The following MICAL3 variants were observed in gnomAD, a reference collection of about 807,000 sequenced individuals.
MICAL3 encodes the protein [F-actin]-monooxygenase MICAL3.
MICAL3 carries 62 observed loss-of-function variants against 207.4 expected under a neutral mutation model. The observed-to-expected ratio is 0.30, with a 90% CI of 0.24 to 0.37. The LOEUF (loss-of-function observed/expected upper bound fraction) is 0.37, where lower values mean the gene tolerates loss of function less well. MICAL3 is among the 10% of genes least tolerant of loss of function. The pLI is 1.00. For missense variants in MICAL3, 2,368 were observed against 2,635.6 expected, an observed-to-expected ratio of 0.90 and a Z score of 2.22; for synonymous variants, 1,077 against 1,069.3, an observed-to-expected ratio of 1.01 and a Z score of -0.14.
In MICAL3 at chr22:17,904,794, C is replaced by T. The variant is rs1009571101; in HGVS notation, c.310G>A (p.Asp104Asn). Reference sequence around the variant, plus strand: ...ACCTTGGCCCCCAGTAAGGATAAGTCGATGGCTGTACGGAGACCACAGGGG... The same window carrying T: ...ACCTTGGCCCCCAGTAAGGATAAGTTGATGGCTGTACGGAGACCACAGGGG... Reference protein sequence around the residue: ...AGPCGLRTAIDLSLLGAKVVV... With the variant: ...AGPCGLRTAINLSLLGAKVVV... The change falls in exon 3 of 32, where the codon GAC becomes AAC. Residue 104 changes from aspartate to asparagine, a missense_variant. Coordinates refer to ENST00000441493, the MANE Select transcript of MICAL3 (RefSeq NM_015241.3). 1.2e-6 allele frequency: 2 copies of T among 1,613,872 alleles called. No homozygotes were observed. The highest frequency in any genetic ancestry group is 1.7e-5 in the Admixed American group (1 of 60,002).
chr22:17,916,141 G>A (rs556385420), intron 1 of MICAL3, among the ~76,000 whole-genome samples: 1 of 151,522 alleles, frequency 6.6e-6, no homozygotes, highest in South Asian at 2.1e-4. Context: ...TTCTGCCATG[G>A]TTCTCAGTTT....
intron 1 of MICAL3, among the ~76,000 whole-genome samples, chr22:17,910,440 CT>C (rs1932051104): frequency 1.3e-5 from 2 of 152,208 alleles, no homozygotes; most frequent in Admixed American, 6.5e-5. Context: ...AGTGAAAACA[CT>C]TTTAAATTAA....
At chr22:17,801,221 C>T (rs1278908517) in intron 29 of MICAL3, among the ~76,000 whole-genome samples, 5 of 102,042 alleles carry the variant, frequency 4.9e-5, no homozygotes, top group Admixed American at 9.2e-5. Flanking sequence ...GGCGGGATCT[C>T]GGCTCACTGC....
At chr22:17,849,614 C>G (rs968132244) in intron 19 of MICAL3, among the ~76,000 whole-genome samples, 1 of 141,946 alleles carries the variant, frequency 7.0e-6, no homozygotes, top group Non-Finnish European at 1.5e-5. Context: ...GGATTATAGG[C>G]ATCAGCCACT....
chr22:17,957,820 A>T, intron 1 of MICAL3, among the ~76,000 whole-genome samples: 1 of 152,068 alleles, frequency 6.6e-6, no homozygotes, highest in East Asian at 1.9e-4. Flanking sequence ...TCTGAAGAAG[A>T]TGAAATGGTA....
At chr22:17,800,893 T>G (rs925012017) in intron 29 of MICAL3, among the ~76,000 whole-genome samples, 3 of 152,212 alleles carry the variant, frequency 2.0e-5, no homozygotes, top group African/African-American at 7.2e-5. Flanking sequence ...AGAAACCTAA[T>G]TCTGGCATTG....
chr22:17,954,500 T>C (rs1217261520), intron 1 of MICAL3, among the ~76,000 whole-genome samples: 1 of 152,116 alleles, frequency 6.6e-6, no homozygotes, highest in African/African-American at 2.4e-5. Context: ...GGATCAGATA[T>C]AGAAAATGAG....
intron 1 of MICAL3, among the ~76,000 whole-genome samples, chr22:18,023,784 G>A (rs1446650899): frequency 6.6e-6 from 1 of 152,236 alleles, no homozygotes; most frequent in South Asian, 2.1e-4. Flanking sequence ...CCCCTCTGCC[G>A]CAGGGAAACC....
rs201390064 is a variant in MICAL3 at position 17,827,719 on chromosome 22, C to T, written c.3118G>A (p.Val1040Met). ...CTCTCACGGATATGAGTCCAGTGCA[C>T]GTCAGCCTGGATCTCCAGAGGATCC... ...AADPLEIQAD[V>M]HWTHIREREE... is the part of the protein sequence containing the mutation. Residue 1040 changes from valine to methionine, a missense_variant, in exon 22 of 32, where the codon GTG becomes ATG. Val to Met is a conservative substitution (Grantham distance 21). This residue lies in a region of MICAL3 where 1,770 missense variants were observed against 1,863.2 expected (regional missense o/e 0.95). Transcript: ENST00000441493. The T allele has an allele frequency of 1.9e-6, 3 of 1,575,828 alleles. No individual in the cohort carries two copies. The highest frequency in any genetic ancestry group is 4.7e-5 in the East Asian group (2 of 42,566).
At chr22:17,982,629 C>A (rs1195072934) in intron 1 of MICAL3, among the ~76,000 whole-genome samples, 1 of 151,554 alleles carries the variant, frequency 6.6e-6, no homozygotes, top group African/African-American at 2.4e-5. Context: ...CAAGATTGTA[C>A]CACTGTACTC....
chr22:17,936,009 A>G (rs1431499739), intron 1 of MICAL3, among the ~76,000 whole-genome samples: 2 of 152,246 alleles, frequency 1.3e-5, no homozygotes, highest in Non-Finnish European at 2.9e-5. Context: ...ATTGTGGAAG[A>G]CAGTGTGGCA....
chr22:17,911,304 G>A (rs1932125323), intron 1 of MICAL3, among the ~76,000 whole-genome samples: 2 of 151,694 alleles, frequency 1.3e-5, no homozygotes, highest in African/African-American at 4.8e-5. Flanking sequence ...TGTTTGTGGG[G>A]GAGTAGAAAG....
At chr22:18,000,599 G>A (rs1448084518) in intron 1 of MICAL3, among the ~76,000 whole-genome samples, 1 of 152,222 alleles carries the variant, frequency 6.6e-6, no homozygotes, top group Non-Finnish European at 1.5e-5. Flanking sequence ...AGGCAAGCCC[G>A]GTTCCGTGTA....
rs1438857367 is a variant in MICAL3, at chr22:17,842,061, G to C, written c.2606-44C>G. ...AGCACTGCACTGAGGTCCAACCACA[G>C]ACGGGGCGTGGGGGTGGGGGCTGAC... On this transcript the variant is annotated intron_variant, in intron 19 of 31. Transcript: ENST00000441493. 3.2e-6 allele frequency: 5 copies of C among 1,556,842 alleles called. No individual in the cohort carries two copies. The Admixed American group carries it at 6.9e-5, about 21-fold the overall frequency.
Position 17,906,666 on chromosome 22 carries a change from G to C in MICAL3, c.147C>G (p.Phe49Leu), listed in dbSNP as rs1427044040. ...TAAGCTTGGACTTGAGCTTGTGATAGAAGGAGCGGTAGTCCTTTGGCTTTA... is the reference window on the plus strand; with the variant it reads ...TAAGCTTGGACTTGAGCTTGTGATACAAGGAGCGGTAGTCCTTTGGCTTTA... ...LELKPKDYRS[F>L]YHKLKSKLNY... Residue 49 changes from phenylalanine to leucine, a missense_variant, in exon 2 of 32, where the codon TTC (phenylalanine) becomes TTG (leucine). By Grantham distance (22) the Phe-to-Leu change is conservative. Coordinates refer to ENST00000441493, the MANE Select transcript of MICAL3 (RefSeq NM_015241.3). 5.6e-6 allele frequency: 9 copies of C among 1,613,884 alleles called. No individual in the cohort carries two copies. The South Asian group carries it at 6.6e-5, about 12-fold the overall frequency.
At chr22:17,847,801 A>G (rs751554521) in intron 19 of MICAL3, among the ~76,000 whole-genome samples, 7 of 152,220 alleles carry the variant, frequency 4.6e-5, no homozygotes, top group Non-Finnish European at 8.8e-5. Context: ...AAGAAAGATC[A>G]ACTAACATCA....
chr22:17,875,869 G>A (rs1928281033), intron 16 of MICAL3, among the ~76,000 whole-genome samples: 2 of 152,230 alleles, frequency 1.3e-5, no homozygotes, highest in South Asian at 2.1e-4. Flanking sequence ...CTGCAGGAAG[G>A]GCAGGGGGAT....
chr22:17,860,038 C>G (rs1926343079), intron 19 of MICAL3: 1 of 268,384 alleles, frequency 3.7e-6, no homozygotes, highest in South Asian at 1.4e-4. Context: ...TTGCTGACCC[C>G]CCGGAGTGGG....
At chr22:17,820,511 C>T (rs1236203874) in intron 25 of MICAL3, among the ~76,000 whole-genome samples, 6 of 152,140 alleles carry the variant, frequency 3.9e-5, no homozygotes, top group Admixed American at 6.5e-5. Context: ...CCCGCCACCA[C>T]GCCCGGCTAA....
Sources: allele counts gnomAD v4.1 joint callset (sites outside exome capture counted in the v4.1 genomes callset), GRCh38; gene constraint gnomAD v4.1.1; regional missense constraint gnomAD v4.1.1; transcripts MANE v1.5; gene names NCBI Gene and HGNC (gene_info 2026-07-23, HGNC 2026-07-21).